Variants in XRCC4 observed in about 807,000 individuals in gnomAD.
XRCC4 encodes X-ray repair cross complementing 4.
In XRCC4, 28 loss-of-function variants were observed where a neutral mutation model predicts 39.1. The observed-to-expected ratio is 0.72, with a 90% CI of 0.53 to 0.98. The LOEUF is 0.98. Ranked by LOEUF, XRCC4 falls within the 50% of genes least tolerant of loss-of-function variation. XRCC4 has a pLI of 0.00. For synonymous variants in XRCC4, 123 were observed against 126.4 expected (o/e 0.97, Z 0.18); for missense variants, 350 against 376.4 (o/e 0.93, Z 0.58).
At chr5:83,374,437 C>A in the XRCC4 span, among the ~76,000 whole-genome samples, 5 of 152,172 alleles carry the variant, frequency 3.3e-5, no homozygotes, top group Non-Finnish European at 7.3e-5. Flanking sequence ...CCACATGGAA[C>A]CCTGAGTCAA....
chr5:83,332,266 C>CACACACACACACAG (rs1554075362), intron 7 of XRCC4, among the ~76,000 whole-genome samples: 1 of 146,154 alleles, frequency 6.8e-6, no homozygotes, highest in African/African-American at 2.6e-5. Context: ...CACACACACA[C>CACACACACACACAG]AGAAAGAGAG....
Position 83,241,510 on chromosome 5 carries a change from A to G in XRCC4, c.746-17020A>G, listed in dbSNP as rs1007560743. 2.0e-5 allele frequency among the ~76,000 whole-genome samples: 3 copies of G among 152,148 alleles called. No homozygotes were observed. In the South Asian group the frequency reaches 6.2e-4, roughly 32 times the overall value. ...CTTTTTTTTCTTCTCGTTTGAGGAAAAAAGTCCACCTTTCAAAAGTGTCAT... is the reference window on the plus strand; with the variant it reads ...CTTTTTTTTCTTCTCGTTTGAGGAAGAAAGTCCACCTTTCAAAAGTGTCAT... On this transcript the variant is annotated intron_variant, in intron 6 of 7. Transcript: ENST00000396027.
chr5:83,327,148 G>T (rs565146589), intron 7 of XRCC4, among the ~76,000 whole-genome samples: 16 of 152,032 alleles, frequency 1.1e-4, no homozygotes, highest in Non-Finnish European at 2.1e-4. Flanking sequence ...ATATAGTCAG[G>T]CTGGGAACAT....
chr5:83,191,785 C>T (rs1368973053), intron 3 of XRCC4, among the ~76,000 whole-genome samples: 1 of 152,198 alleles, frequency 6.6e-6, no homozygotes, highest in African/African-American at 2.4e-5. Context: ...CTTGCTCCTC[C>T]TTGCCTTCTG....
intron 6 of XRCC4, among the ~76,000 whole-genome samples, chr5:83,229,244 C>T (rs185906985): frequency 1.3e-5 from 2 of 152,048 alleles, no homozygotes; most frequent in Admixed American, 6.6e-5. Context: ...GTGAGCTGGA[C>T]TTGAGTTTTG....
chr5:83,297,791 G>T (rs1006402052), intron 7 of XRCC4, among the ~76,000 whole-genome samples: 8 of 151,664 alleles, frequency 5.3e-5, no homozygotes, highest in African/African-American at 1.9e-4. Context: ...TTTCATGCAC[G>T]CTTCAAGTTC....
chr5:83,220,288 T>G (rs534959981), intron 6 of XRCC4, among the ~76,000 whole-genome samples: 1 of 152,178 alleles, frequency 6.6e-6, no homozygotes, highest in African/African-American at 2.4e-5. Flanking sequence ...CAAAAGGTGA[T>G]GTGAATGCAG....
At chr5:83,131,986 T>C (rs1747614262) in intron 3 of XRCC4, among the ~76,000 whole-genome samples, 1 of 152,204 alleles carries the variant, frequency 6.6e-6, no homozygotes, top group African/African-American at 2.4e-5. Flanking sequence ...CGATGGTCTT[T>C]ACAATTTGGC....
At chr5:83,357,650 G>A (rs1757204427), downstream of XRCC4, among the ~76,000 whole-genome samples, 1 of 152,198 alleles carries the variant, frequency 6.6e-6, no homozygotes, top group African/African-American at 2.4e-5. Context: ...AGTGTGAACA[G>A]TGAGCGACGT....
chr5:83,243,676 G>A (rs557652313), intron 6 of XRCC4, among the ~76,000 whole-genome samples: 2 of 152,292 alleles, frequency 1.3e-5, no homozygotes, highest in South Asian at 4.1e-4. Context: ...GGTTACCTTG[G>A]AAAGGATTGT....
chr5:83,085,708 C>A (rs1745150850), intron 1 of XRCC4, among the ~76,000 whole-genome samples: 1 of 152,070 alleles, frequency 6.6e-6, no homozygotes, highest in Non-Finnish European at 1.5e-5. Context: ...CTCATGATGA[C>A]TTAGATATTA....
chr5:83,083,249 A>G (rs1393392020), intron 1 of XRCC4, among the ~76,000 whole-genome samples: 1 of 152,172 alleles, frequency 6.6e-6, no homozygotes, highest in Non-Finnish European at 1.5e-5. Context: ...AAAATCCATG[A>G]AGGCAGGCAT....
intron 7 of XRCC4, among the ~76,000 whole-genome samples, chr5:83,342,336 A>C (rs911456170): frequency 6.6e-6 from 1 of 152,184 alleles, no homozygotes; most frequent in East Asian, 1.9e-4. Flanking sequence ...CAGAACAGAT[A>C]ATCTTATTTT....
intron 6 of XRCC4, among the ~76,000 whole-genome samples, chr5:83,229,372 C>T (rs1752408583): frequency 1.3e-5 from 2 of 151,656 alleles, no homozygotes; most frequent in South Asian, 2.1e-4. Flanking sequence ...TAATATATCG[C>T]CTTGGCAATC....
chr5:83,139,741 T>C (rs183291888), intron 3 of XRCC4, among the ~76,000 whole-genome samples: 2 of 152,310 alleles, frequency 1.3e-5, no homozygotes. Flanking sequence ...TGCTGAGTAC[T>C]GTAGGCAGTT....
rs529187700 is a variant in XRCC4 at position 83,230,495 on chromosome 5, G to T, written c.745+25574G>T. Among the ~76,000 whole-genome samples the T allele has an allele frequency of 3.3e-5, 5 of 152,074 alleles. No individual in the cohort carries two copies. In the South Asian group the frequency reaches 1.0e-3, roughly 31 times the overall value. ...TATCATTTCTGTTACAAAGGAGATT[G>T]TAAATAATGAATTATTTCTTTTTAA... is the stretch of plus-strand genomic sequence containing the variant. On this transcript the variant is annotated intron_variant, in intron 6 of 7. Transcript: ENST00000396027.
chr5:83,138,255 A>G (rs941661698), intron 3 of XRCC4, among the ~76,000 whole-genome samples: 8 of 152,182 alleles, frequency 5.3e-5, no homozygotes, highest in Middle Eastern at 3.2e-3. Context: ...ACTGTTTCCC[A>G]TTACAAGCCA....
intron 7 of XRCC4, among the ~76,000 whole-genome samples, chr5:83,322,750 A>G (rs1756119637): frequency 6.6e-6 from 1 of 152,186 alleles, no homozygotes; most frequent in Admixed American, 6.6e-5. Flanking sequence ...CAGCCAAGGA[A>G]TGCTACAACC....
chr5:83,321,190 C>T (rs1431345336), intron 7 of XRCC4, among the ~76,000 whole-genome samples: 1 of 152,104 alleles, frequency 6.6e-6, no homozygotes, highest in Non-Finnish European at 1.5e-5. Context: ...GAAAGCAAAA[C>T]ATTTATGTGA....
Sources: allele counts gnomAD v4.1 joint callset (sites outside exome capture counted in the v4.1 genomes callset), GRCh38; gene constraint gnomAD v4.1.1; transcripts MANE v1.5; gene names NCBI Gene and HGNC (gene_info 2026-07-23, HGNC 2026-07-21).